The following GRK3 variants were observed in gnomAD, a reference collection of about 807,000 sequenced individuals.
GRK3 encodes G protein-coupled receptor kinase 3.
In GRK3, 54 loss-of-function variants were observed where a neutral mutation model predicts 95.7. That is an observed-to-expected ratio of 0.56 (90% confidence interval 0.45 to 0.71). The LOEUF is 0.71. Among genes scored for constraint, GRK3 ranks in the 30% least tolerant of loss-of-function variants. The pLI is 0.00. For missense variants in GRK3, 649 were observed against 851.2 expected, an observed-to-expected ratio of 0.76 and a Z score of 2.96; for synonymous variants, 281 against 290.8, an observed-to-expected ratio of 0.97 and a Z score of 0.34.
chr22:25,578,949 C>T (rs1040497047), intron 1 of GRK3, among the ~76,000 whole-genome samples: 1 of 152,090 alleles, frequency 6.6e-6, no homozygotes, highest in African/African-American at 2.4e-5. Flanking sequence ...GTGGATATCT[C>T]ATGCTATCCA....
rs117891391 is a variant in GRK3 at position 25,705,611 on chromosome 22, C to A, written c.1328+1402C>A. Among the ~76,000 whole-genome samples, 625 of 150,940 alleles carry A rather than the reference C, an allele frequency of 4.1e-3. 11 individuals carry two copies. Among genetic ancestry groups the A allele is most frequent in the Middle Eastern group, 0.031 (9 of 294 alleles). ...CATATATATACATATATAGTATGAT[C>A]TCTCTCTCTCTCTCTCAAAAAAGAA... On this transcript the variant is annotated intron_variant, in intron 15 of 20. Coordinates refer to ENST00000324198, the MANE Select transcript of GRK3 (RefSeq NM_005160.4).
At chr22:25,591,474 A>C (rs1343279836) in intron 1 of GRK3, among the ~76,000 whole-genome samples, 1 of 152,100 alleles carries the variant, frequency 6.6e-6, no homozygotes, top group African/African-American at 2.4e-5. Context: ...TAAGGGTGAA[A>C]GTCTTAACCC....
intron 12 of GRK3, 23 bp downstream of exon 12, chr22:25,690,306 T>G (rs1273839104): frequency 6.5e-7 from 1 of 1,546,318 alleles, no homozygotes; most frequent in Non-Finnish European, 8.9e-7. Flanking sequence ...TCAACTTCAG[T>G]TCACCACCAT....
At chr22:25,690,474 C>A (rs1323701218) in intron 12 of GRK3, among the ~76,000 whole-genome samples, 191 bp downstream of exon 12, 1 of 152,190 alleles carries the variant, frequency 6.6e-6, no homozygotes, top group East Asian at 1.9e-4. Flanking sequence ...AGGAATTAAC[C>A]CACAGTGGAG....
chr22:25,704,156 G>A lies in GRK3; in HGVS notation c.1275G>A (p.Leu425=), dbSNP rs1270236913. 2 of 1,613,732 alleles carry A rather than the reference G, an allele frequency of 1.2e-6. No homozygotes were observed. The highest frequency in any genetic ancestry group is 1.7e-6 in the Non-Finnish European group (2 of 1,179,866). The change falls in exon 15 of 21, where the codon TTG becomes TTA. Residue 425 remains leucine, a synonymous_variant. Coordinates refer to ENST00000324198, the MANE Select transcript of GRK3 (RefSeq NM_005160.4). ...TCTCTCCTGAACTGAAGTCCCTTTT[G>A]GAGGGCTTGCTTCAGCGAGACGTTA... ...DTFSPELKSL[L]EGLLQRDVSK... is the part of the protein sequence containing the mutation.
At chr22:25,658,876 C>T (rs1418269774) in intron 3 of GRK3, among the ~76,000 whole-genome samples, 1 of 151,794 alleles carries the variant, frequency 6.6e-6, no homozygotes, top group East Asian at 1.9e-4. Flanking sequence ...GAGAGGAGCC[C>T]GTTTGGCTGG....
At chr22:25,638,908 G>C (rs939201473) in intron 2 of GRK3, among the ~76,000 whole-genome samples, 1 of 152,188 alleles carries the variant, frequency 6.6e-6, no homozygotes, top group African/African-American at 2.4e-5. Context: ...ATATCTTAGA[G>C]TGGCTTAATT....
intron 2 of GRK3, among the ~76,000 whole-genome samples, chr22:25,614,436 C>G (rs746236231): frequency 4.6e-4 from 70 of 152,192 alleles, no homozygotes; most frequent in Non-Finnish European, 7.9e-4. Context: ...GCTCGGCCAT[C>G]TATTATCTGC....
chr22:25,597,029 T>C (rs1601461961), intron 1 of GRK3, among the ~76,000 whole-genome samples: 1 of 152,208 alleles, frequency 6.6e-6, no homozygotes, highest in East Asian at 1.9e-4. Context: ...AGCCACTCAT[T>C]ATGAATTACA....
intron 1 of GRK3, among the ~76,000 whole-genome samples, chr22:25,590,713 C>T (rs995238997): frequency 5.3e-5 from 8 of 152,064 alleles, no homozygotes; most frequent in Non-Finnish European, 1.0e-4. Flanking sequence ...CCCAGCTACT[C>T]GAGAGGCTGA....
chr22:25,573,051 C>A (rs1410962957), intron 1 of GRK3, among the ~76,000 whole-genome samples: 1 of 152,138 alleles, frequency 6.6e-6, no homozygotes. Flanking sequence ...CTCTTATTAT[C>A]CTTTTGTGGT....
intron 15 of GRK3, among the ~76,000 whole-genome samples, chr22:25,707,085 A>G (rs1211675153): frequency 6.6e-6 from 1 of 151,418 alleles, no homozygotes; most frequent in African/African-American, 2.4e-5. Flanking sequence ...GCCCCCAAAG[A>G]CCTAGGATTA....
intron 1 of GRK3, among the ~76,000 whole-genome samples, chr22:25,586,649 C>G (rs545860029): frequency 6.6e-6 from 1 of 152,370 alleles, no homozygotes; most frequent in South Asian, 2.1e-4. Flanking sequence ...TTGGTGACCC[C>G]TGAACTGGGT....
rs916364199 is a variant in GRK3, at chr22:25,729,044, T to A, written c.*6594T>A. 2.1e-4 allele frequency: 32 copies of A among 152,208 alleles called. No individual in the cohort carries two copies. Among genetic ancestry groups the A allele is most frequent in the African/African-American group, 7.5e-4 (31 of 41,454 alleles). The allele number at this position is 152,208 out of a possible 1,614,324, so 9.4% of individuals were successfully genotyped here. ...GATATTGTACCTAGACAAAATATCATTGGTTCTATCTCTTTTTGTATCTGT... is the reference window on the plus strand; with the variant it reads ...GATATTGTACCTAGACAAAATATCAATGGTTCTATCTCTTTTTGTATCTGT... On this transcript the variant is annotated 3_prime_UTR_variant, in exon 21 of 21. Coordinates refer to ENST00000324198, the MANE Select transcript of GRK3 (RefSeq NM_005160.4).
intron 3 of GRK3, 32 bp from the exon 4 acceptor site, chr22:25,661,544 C>A (rs373263642): frequency 7.0e-7 from 1 of 1,425,472 alleles, no homozygotes. Context: ...CAGGAAGATA[C>A]AACCTAACAA....
At chr22:25,672,826 C>T (rs779428832) in intron 7 of GRK3, among the ~76,000 whole-genome samples, 3 of 152,050 alleles carry the variant, frequency 2.0e-5, no homozygotes, top group African/African-American at 7.2e-5. Context: ...ATACAGGCCA[C>T]GTTCTAACAC....
At chr22:25,709,639 A>G (rs2085328416) in intron 15 of GRK3, among the ~76,000 whole-genome samples, 1 of 151,882 alleles carries the variant, frequency 6.6e-6, no homozygotes, top group South Asian at 2.1e-4. Flanking sequence ...TATCTGTGAA[A>G]ATTTCTAGGT....
At chr22:25,667,890 T>C (rs2084952999) in intron 6 of GRK3, 90 bp downstream of exon 6, 1 of 745,812 alleles carries the variant, frequency 1.3e-6, no homozygotes, top group Non-Finnish European at 2.3e-6. Flanking sequence ...AAAATGTGTG[T>C]TAATCATTTA....
Position 25,661,647 on chromosome 22 carries a change from C to T in GRK3, c.336C>T (p.Tyr112=). 6.2e-7 allele frequency: 1 copy of T among 1,612,308 alleles called. No individual in the cohort carries two copies. The highest frequency in any genetic ancestry group is 8.5e-7 in the Non-Finnish European group (1 of 1,178,692). The change falls in exon 4 of 21, where the codon TAC becomes TAT. Residue 112 remains tyrosine (Y), a synonymous_variant. Transcript: ENST00000324198. ...LCRSRQIYDA[Y]IMKELLSCSH... is the part of the protein sequence containing the mutation. ...GAAGTCGACAAATTTATGATGCCTACATCATGAAGGAACTTCTTTCCTGTT... is the reference window on the plus strand; with the variant it reads ...GAAGTCGACAAATTTATGATGCCTATATCATGAAGGAACTTCTTTCCTGTT...
Sources: gnomAD v4.1 joint callset for allele counts (sites outside exome capture counted in the v4.1 genomes callset) on GRCh38, gnomAD v4.1.1 for gene constraint, MANE v1.5 for transcripts, NCBI Gene and HGNC (gene_info 2026-07-23, HGNC 2026-07-21) for gene names.